The following TAF1A variants were observed in gnomAD, a reference collection of about 807,000 sequenced individuals.
TAF1A encodes the protein TATA box-binding protein-associated factor RNA polymerase I subunit A.
Under a neutral mutation model 61.6 loss-of-function variants are expected in TAF1A, and 42 were observed. The observed-to-expected ratio is 0.68, with a 90% CI of 0.53 to 0.88. TAF1A has a LOEUF of 0.88. Ranked by LOEUF, TAF1A falls within the 40% of genes least tolerant of loss-of-function variation. The pLI, the probability that TAF1A is intolerant of heterozygous loss-of-function variation, is 0.00. For missense variants in TAF1A, 424 were observed against 518.7 expected, an observed-to-expected ratio of 0.82 and a Z score of 1.77; for synonymous variants, 179 against 177.7, an observed-to-expected ratio of 1.01 and a Z score of -0.06.
At position 222,570,586 on chromosome 1, in the gene TAF1A, T is replaced by C; in HGVS notation, c.684A>G (p.Ala228=). Residue 228 remains alanine, a synonymous_variant, in exon 6 of 11, where the codon GCA becomes GCG. Coordinates refer to ENST00000352967, the MANE Select transcript of TAF1A (RefSeq NM_005681.4). ...CCCAAACTCCAGGAATTTTAATCAA[T>C]GCAGAAATATTTGCAGATGTCTTCC... ...HSWKTSANIS[A]LIKIPGVWDP... 8.1e-6 allele frequency: 13 copies of C among 1,613,220 alleles called. No individual in the cohort carries two copies. Among genetic ancestry groups the C allele is most frequent in the Non-Finnish European group, 1.1e-5 (13 of 1,179,336 alleles).
intron 2 of TAF1A, among the ~76,000 whole-genome samples, chr1:222,586,390 T>C (rs1315227235): frequency 6.6e-6 from 1 of 152,226 alleles, no homozygotes; most frequent in Non-Finnish European, 1.5e-5. Flanking sequence ...AGATTATAAA[T>C]TGACTTTAGA....
intron 8 of TAF1A, 148 bp downstream of exon 8, chr1:222,563,911 G>T: frequency 1.7e-6 from 1 of 585,634 alleles, no homozygotes; most frequent in Non-Finnish European, 3.1e-6. Flanking sequence ...AAAAGCAGCC[G>T]CAGACAATAC....
chr1:222,561,706 C>T (rs1401504469), intron 9 of TAF1A, among the ~76,000 whole-genome samples, 188 bp from the exon 10 acceptor site: 47 of 152,146 alleles, frequency 3.1e-4, no homozygotes, highest in Admixed American at 3.1e-3. Flanking sequence ...TGTTCTCTTC[C>T]ATCTCCATAT....
chr1:222,560,043 C>G (rs571565526), intron 10 of TAF1A, among the ~76,000 whole-genome samples: 9 of 152,156 alleles, frequency 5.9e-5, no homozygotes, highest in African/African-American at 2.2e-4. Context: ...ACAGGGCAAC[C>G]AAGTAGCTTC....
intron 6 of TAF1A, 29 bp downstream of exon 6, chr1:222,570,506 C>A: frequency 6.3e-7 from 1 of 1,581,110 alleles, no homozygotes; most frequent in Non-Finnish European, 8.6e-7. Context: ...CAAAATAAAA[C>A]CAATAAATTT....
At chr1:222,579,709 A>G (rs1161086107) in intron 4 of TAF1A, 50 bp downstream of exon 4, 18 of 1,410,162 alleles carry the variant, frequency 1.3e-5, no homozygotes, top group Admixed American at 4.6e-5. Context: ...AAGCAATTAG[A>G]AAAAAAAAAG....
intron 5 of TAF1A, among the ~76,000 whole-genome samples, chr1:222,571,481 T>C (rs1447125015): frequency 6.6e-6 from 1 of 151,780 alleles, no homozygotes; most frequent in African/African-American, 2.4e-5. Flanking sequence ...CACAGAAAAA[T>C]CCTAAGAACC....
Position 222,578,554 on chromosome 1 carries a change from C to G in TAF1A, c.406-911G>C, listed in dbSNP as rs189422859. Among the ~76,000 whole-genome samples the G allele has an allele frequency of 5.3e-5, 8 of 152,308 alleles. No homozygotes were observed. The East Asian group carries it at 1.5e-3, about 29-fold the overall frequency. The stretch of plus-strand genomic sequence containing the variant: ...TAGGGCTTTTAAACTCTTTATAACC[C>G]CCGCCATGCAGGGCTGCCCTTTCCC... On this transcript the variant is annotated intron_variant, in intron 4 of 10. Coordinates refer to ENST00000352967, the MANE Select transcript of TAF1A (RefSeq NM_005681.4).
In TAF1A at chr1:222,558,644, T is replaced by TA; in HGVS notation, c.*15dup. The TA allele has an allele frequency of 5.1e-6, 7 of 1,372,202 alleles. No homozygotes were observed. The highest frequency in any genetic ancestry group is 6.0e-6 in the Non-Finnish European group (6 of 1,002,520). The allele number at this position is 1,372,202 out of a possible 1,614,324, so 85.0% of individuals were successfully genotyped here. Reference sequence around the variant, plus strand: ...TTACTGTGTAGCTACAACTGTGAAATAACTAAAATTCAGTATCAGAGTCTT... The same window carrying TA: ...TTACTGTGTAGCTACAACTGTGAAATAAACTAAAATTCAGTATCAGAGTCTT... On this transcript the variant is annotated 3_prime_UTR_variant, in exon 11 of 11. Transcript: ENST00000352967.
At chr1:222,588,340 T>C in intron 2 of TAF1A, 103 bp downstream of exon 2, 2 of 1,410,804 alleles carry the variant, frequency 1.4e-6, no homozygotes, top group South Asian at 1.4e-5. Context: ...CCTCCACATA[T>C]TCCTCTTGAA....
At position 222,563,768 on chromosome 1, in the gene TAF1A, T is replaced by C. The variant is rs183842332; in HGVS notation, c.961+291A>G. 3.4e-4 allele frequency among the ~76,000 whole-genome samples: 52 copies of C among 152,352 alleles called. No homozygotes were observed. In the East Asian group the frequency reaches 9.8e-3, roughly 29 times the overall value. ...ATATAAAATCGAGCCATTTCTCTTTTGCAAACTACTGCCTTCACATTGTGT... is the reference window on the plus strand; with the variant it reads ...ATATAAAATCGAGCCATTTCTCTTTCGCAAACTACTGCCTTCACATTGTGT... On this transcript the variant is annotated intron_variant, in intron 8 of 10. Coordinates refer to ENST00000352967, the MANE Select transcript of TAF1A (RefSeq NM_005681.4).
At chr1:222,575,933 T>C (rs574643596) in intron 5 of TAF1A, among the ~76,000 whole-genome samples, 29 of 152,332 alleles carry the variant, frequency 1.9e-4, no homozygotes, top group African/African-American at 7.0e-4. Flanking sequence ...GAAAAGTAAA[T>C]ACTGACTTTA....
At chr1:222,557,695 TCTTAGACTGCTGTG>T (rs1659753628), downstream of TAF1A, among the ~76,000 whole-genome samples, 1 of 151,788 alleles carries the variant, frequency 6.6e-6, no homozygotes, top group Non-Finnish European at 1.5e-5. Flanking sequence ...GACCTCATGA[TCTTAGACTGCTGTG>T]CCAGGCACCA....
intron 1 of TAF1A, among the ~76,000 whole-genome samples, chr1:222,588,990 T>G (rs1482438630): frequency 2.0e-5 from 3 of 152,202 alleles, no homozygotes; most frequent in African/African-American, 4.8e-5. Flanking sequence ...TGGGTACTAT[T>G]ACTTTCTTCC....
chr1:222,583,650 C>T (rs1660888552), intron 3 of TAF1A, among the ~76,000 whole-genome samples: 2 of 151,806 alleles, frequency 1.3e-5, no homozygotes, highest in South Asian at 4.2e-4. Context: ...CCGTCCTGGC[C>T]AACCTGGTGA....
chr1:222,575,694 G>A (rs2102662106), intron 5 of TAF1A, among the ~76,000 whole-genome samples: 1 of 152,308 alleles, frequency 6.6e-6, no homozygotes. Context: ...CATGAGTTTG[G>A]TTATAAAGAA....
At chr1:222,569,747 C>T (rs1660271898) in intron 6 of TAF1A, 79 bp from the exon 7 acceptor site, 2 of 1,298,762 alleles carry the variant, frequency 1.5e-6, no homozygotes, top group African/African-American at 3.0e-5. Context: ...CATAAGTTTA[C>T]TGATGGGTAT....
At chr1:222,588,313 G>T in intron 2 of TAF1A, 130 bp downstream of exon 2, 1 of 1,122,350 alleles carries the variant, frequency 8.9e-7, no homozygotes, top group Non-Finnish European at 1.3e-6. Flanking sequence ...ATTTCTTTTG[G>T]CTTTTAGCCA....
At chr1:222,572,570 T>C (rs1398444773) in intron 5 of TAF1A, among the ~76,000 whole-genome samples, 1 of 152,080 alleles carries the variant, frequency 6.6e-6, no homozygotes, top group African/African-American at 2.4e-5. Flanking sequence ...GTTGCCCAGG[T>C]TGGTTTCGAA....
Sources: allele counts gnomAD v4.1 joint callset (sites outside exome capture counted in the v4.1 genomes callset), GRCh38; gene constraint gnomAD v4.1.1; transcripts MANE v1.5; gene names NCBI Gene and HGNC (gene_info 2026-07-23, HGNC 2026-07-21).